The following PTPRD variants were observed in gnomAD, a reference collection of about 807,000 sequenced individuals.
The protein encoded by PTPRD is receptor-type tyrosine-protein phosphatase delta.
PTPRD carries 34 observed loss-of-function variants against 214.5 expected under a neutral mutation model. The ratio of observed to expected loss-of-function variants is 0.16; its 90% CI spans 0.12 to 0.21. The LOEUF (loss-of-function observed/expected upper bound fraction) is 0.21, where lower values mean the gene tolerates loss of function less well. Among genes scored for constraint, PTPRD ranks in the 10% least tolerant of loss-of-function variants. The pLI is 1.00. For synonymous variants in PTPRD, 1,128 were observed against 845.7 expected (o/e 1.33, Z -5.79); for missense variants, 2,545 against 2,398.7 (o/e 1.06, Z -1.27).
rs2089971877 is a variant in PTPRD, at chr9:8,735,252, T to TC, written c.-103-1307dup. Among the ~76,000 whole-genome samples, 3 of 151,236 alleles carry TC rather than the reference T, an allele frequency of 2.0e-5. No individual in the cohort carries two copies. The East Asian group carries it at 5.9e-4, about 30-fold the overall frequency. On this transcript the variant is annotated intron_variant, in intron 11 of 45. Transcript: ENST00000381196. ...GCTGCTTCCCAGGTTCAAGTGGTTC[T>TC]CCTGTCTCAGCCACCCAAGTAGCTG...
intron 11 of PTPRD, among the ~76,000 whole-genome samples, chr9:8,783,065 A>C (rs1259261879): frequency 1.3e-5 from 2 of 152,204 alleles, no homozygotes; most frequent in Non-Finnish European, 2.9e-5. Context: ...TTTAAATTCA[A>C]CAACCCACCA....
chr9:9,780,137 A>G (rs751074477), intron 5 of PTPRD, among the ~76,000 whole-genome samples: 4 of 152,192 alleles, frequency 2.6e-5, no homozygotes, highest in Non-Finnish European at 5.9e-5. Flanking sequence ...GGAGACCATA[A>G]TCCTGAGTTA....
chr9:8,793,686 C>T (rs1041271037), intron 11 of PTPRD, among the ~76,000 whole-genome samples: 7 of 152,058 alleles, frequency 4.6e-5, no homozygotes, highest in Non-Finnish European at 8.8e-5. Context: ...CCATAATATT[C>T]TGTTAGACAT....
At chr9:8,802,083 G>C (rs2096583185) in intron 11 of PTPRD, among the ~76,000 whole-genome samples, 1 of 152,142 alleles carries the variant, frequency 6.6e-6, no homozygotes. Context: ...ACTGTATAAT[G>C]ATTAAATTGC....
intron 33 of PTPRD, among the ~76,000 whole-genome samples, chr9:8,450,851 T>C (rs527968202): frequency 6.6e-6 from 1 of 152,330 alleles, no homozygotes; most frequent in South Asian, 2.1e-4. Flanking sequence ...GTGCTTTTTT[T>C]CCAAATACTA....
At chr9:9,753,010 A>G (rs12553611) in intron 6 of PTPRD, among the ~76,000 whole-genome samples, 7,450 of 152,166 alleles carry the variant, frequency 0.049, 741 homozygotes, top group East Asian at 0.38. Flanking sequence ...TTAAATTAAA[A>G]CAAGCTGCCC....
intron 8 of PTPRD, among the ~76,000 whole-genome samples, chr9:9,400,200 G>A (rs568091505): frequency 1.6e-4 from 24 of 149,304 alleles, no homozygotes; most frequent in Middle Eastern, 3.5e-3. Context: ...GTTACCTTCC[G>A]TGCCAGAGGT....
chr9:9,660,452 G>C (rs967630702), intron 7 of PTPRD, among the ~76,000 whole-genome samples: 4 of 151,832 alleles, frequency 2.6e-5, no homozygotes, highest in African/African-American at 7.3e-5. Flanking sequence ...TTGAGTGATG[G>C]GATCTTGAAT....
intron 36 of PTPRD, among the ~76,000 whole-genome samples, chr9:8,403,107 G>A (rs974369503): frequency 2.0e-5 from 3 of 152,140 alleles, no homozygotes; most frequent in African/African-American, 7.2e-5. Flanking sequence ...GGCCTATGGT[G>A]CCTACTGAGA....
chr9:10,426,343 T>C (rs967244299), intron 2 of PTPRD, among the ~76,000 whole-genome samples: 4 of 152,040 alleles, frequency 2.6e-5, no homozygotes, highest in African/African-American at 9.7e-5. Flanking sequence ...CCCTCATTCT[T>C]GCTTTTTCTA....
intron 11 of PTPRD, among the ~76,000 whole-genome samples, chr9:8,863,757 C>G (rs1353707114): frequency 2.6e-5 from 4 of 152,174 alleles, no homozygotes; most frequent in Non-Finnish European, 2.9e-5. Flanking sequence ...TCACCTTAAC[C>G]TCTAAATTTG....
intron 11 of PTPRD, among the ~76,000 whole-genome samples, chr9:8,770,207 G>A (rs1364546214): frequency 1.3e-5 from 2 of 151,988 alleles, no homozygotes; most frequent in Non-Finnish European, 2.9e-5. Context: ...GCTTGAACCG[G>A]GAGAAGTGGA....
At chr9:9,153,132 G>A (rs889417018) in intron 10 of PTPRD, among the ~76,000 whole-genome samples, 7 of 152,172 alleles carry the variant, frequency 4.6e-5, no homozygotes, top group African/African-American at 1.7e-4. Context: ...TTCACGAAAT[G>A]TGAAGGAGGG....
chr9:8,481,139 CAAAAAAAAA>C (rs34451513), intron 30 of PTPRD, among the ~76,000 whole-genome samples: 5 of 39,462 alleles, frequency 1.3e-4, no homozygotes, highest in South Asian at 1.1e-3. Flanking sequence ...GACTCCGTCT[CAAAAAAAAA>C]AAAAAAAAAA....
intron 12 of PTPRD, among the ~76,000 whole-genome samples, chr9:8,651,383 G>C (rs548191428): frequency 1.3e-5 from 2 of 152,218 alleles, no homozygotes; most frequent in African/African-American, 4.8e-5. Flanking sequence ...GATAACCCAA[G>C]GCCATGAACT....
intron 5 of PTPRD, among the ~76,000 whole-genome samples, chr9:9,887,424 G>T (rs939819585): frequency 1.3e-5 from 2 of 152,088 alleles, no homozygotes; most frequent in Non-Finnish European, 1.5e-5. Flanking sequence ...GTCATGTGTG[G>T]CTTAAGAGGC....
At chr9:10,027,797 G>A (rs963030174) in intron 4 of PTPRD, among the ~76,000 whole-genome samples, 1 of 152,012 alleles carries the variant, frequency 6.6e-6, no homozygotes, top group Non-Finnish European at 1.5e-5. Context: ...CCAGTAAAAG[G>A]CATTGAACTA....
At chr9:8,829,295 C>G (rs1305601090) in intron 11 of PTPRD, among the ~76,000 whole-genome samples, 1 of 152,164 alleles carries the variant, frequency 6.6e-6, no homozygotes, top group Non-Finnish European at 1.5e-5. Flanking sequence ...CTCCCAGCTC[C>G]CTTCCATCCT....
At chr9:8,911,440 T>TTGTGTGTGTGTGTGTGTGTGTGTGA (rs2098747746) in intron 11 of PTPRD, among the ~76,000 whole-genome samples, 2 of 149,014 alleles carry the variant, frequency 1.3e-5, no homozygotes, top group African/African-American at 5.0e-5. Context: ...TGTGTGTGTG[T>TTGTGTGTGTGTGTGTGTGTGTGTGA]GAGAGAGAGA....
Sources: gnomAD v4.1 joint callset for allele counts (sites outside exome capture counted in the v4.1 genomes callset) on GRCh38, gnomAD v4.1.1 for gene constraint, MANE v1.5 for transcripts, NCBI Gene and HGNC (gene_info 2026-07-23, HGNC 2026-07-21) for gene names.